Variants in ACCSL observed in about 807,000 individuals in gnomAD.
ACCSL encodes the protein probable inactive 1-aminocyclopropane-1-carboxylate synthase-like protein 2.
ACCSL carries 55 observed loss-of-function variants against 61.7 expected under a neutral mutation model. The ratio of observed to expected loss-of-function variants is 0.89; its 90% CI spans 0.72 to 1.12. The LOEUF (loss-of-function observed/expected upper bound fraction) is 1.12, where lower values mean the gene tolerates loss of function less well. Ranked by LOEUF, ACCSL falls within the 50% of genes most tolerant of loss-of-function variation. ACCSL has a pLI of 0.00. For synonymous variants in ACCSL, 258 were observed against 264.3 expected (o/e 0.98, Z 0.23); for missense variants, 632 against 698.0 (o/e 0.91, Z 1.07).
the ACCSL span, among the ~76,000 whole-genome samples, chr11:43,980,389 G>A: frequency 2.0e-5 from 3 of 152,154 alleles, no homozygotes; most frequent in East Asian, 1.9e-4. Context: ...TGTTTTCATC[G>A]TCAGCTGTCT....
chr11:44,049,146 G>A (rs2015643), intron 1 of ACCSL, among the ~76,000 whole-genome samples: 14,659 of 152,100 alleles, frequency 0.096, 832 homozygotes, highest in Middle Eastern at 0.15. Flanking sequence ...GAGGCTGGGC[G>A]TGGTGGCTCA....
At chr11:43,982,125 G>A in the ACCSL span, among the ~76,000 whole-genome samples, 1 of 152,058 alleles carries the variant, frequency 6.6e-6, no homozygotes, top group Non-Finnish European at 1.5e-5. Flanking sequence ...TGGGAGCTGT[G>A]GAAGGTGGCC....
At position 44,058,608 on chromosome 11, in the gene ACCSL, G is replaced by A. The variant is rs997822215; in HGVS notation, c.1533G>A (p.Lys511=). ...TCTATTGCCGCTTCCTGGACAACAAGCTATTGTTATCCCGTGGCAAAACCT... is the reference window on the plus strand; with the variant it reads ...TCTATTGCCGCTTCCTGGACAACAAACTATTGTTATCCCGTGGCAAAACCT... ...RLLYCRFLDN[K]LLLSRGKTYM... is the part of the protein sequence containing the mutation. The change falls in exon 13 of 14, where the codon AAG becomes AAA. Residue 511 remains lysine, a synonymous_variant. Transcript: ENST00000378832. The A allele has an allele frequency of 1.2e-6, 2 of 1,614,000 alleles. No individual in the cohort carries two copies. Among genetic ancestry groups the A allele is most frequent in the African/African-American group, 1.3e-5 (1 of 74,894 alleles).
At chr11:44,023,458 G>C in the ACCSL span, among the ~76,000 whole-genome samples, 131,341 of 152,126 alleles carry the variant, frequency 0.86, 56,789 homozygotes, top group African/African-American at 0.9. Context: ...TCTGGTATTC[G>C]CTTATGATCC....
At chr11:43,973,194 A>G in the ACCSL span, among the ~76,000 whole-genome samples, 11 of 152,354 alleles carry the variant, frequency 7.2e-5, no homozygotes, top group East Asian at 1.3e-3. Context: ...ATGACTTGGA[A>G]TGAAGCACAT....
At chr11:44,014,909 T>C in the ACCSL span, among the ~76,000 whole-genome samples, 1 of 152,140 alleles carries the variant, frequency 6.6e-6, no homozygotes, top group African/African-American at 2.4e-5. Context: ...ATCACAGACA[T>C]CTCGTGGGCC....
the ACCSL span, among the ~76,000 whole-genome samples, chr11:43,927,093 G>C: frequency 6.6e-6 from 1 of 152,236 alleles, no homozygotes; most frequent in Non-Finnish European, 1.5e-5. Flanking sequence ...ACACATTTAT[G>C]TGCTTTTTAA....
chr11:43,969,526 A>G, the ACCSL span, among the ~76,000 whole-genome samples: 1 of 152,134 alleles, frequency 6.6e-6, no homozygotes, highest in African/African-American at 2.4e-5. Context: ...AAGTTAGTAG[A>G]AACTAACTAC....
chr11:44,019,700 T>C, the ACCSL span, among the ~76,000 whole-genome samples: 1 of 152,246 alleles, frequency 6.6e-6, no homozygotes, highest in African/African-American at 2.4e-5. Flanking sequence ...TTGAAAGTTA[T>C]CTTTTTACTT....
chr11:43,944,240 G>A, the ACCSL span: 3,749 of 173,194 alleles, frequency 0.022, 152 homozygotes, highest in African/African-American at 0.084. Flanking sequence ...CCCCGCACCC[G>A]CCACAGAAGA....
At chr11:44,057,584 A>G (rs1952679124) in intron 11 of ACCSL, among the ~76,000 whole-genome samples, 1 of 152,210 alleles carries the variant, frequency 6.6e-6, no homozygotes, top group African/African-American at 2.4e-5. Context: ...GTTCTGTTCT[A>G]TGAATGCAGA....
At chr11:43,927,159 G>A in the ACCSL span, among the ~76,000 whole-genome samples, 6 of 152,170 alleles carry the variant, frequency 3.9e-5, no homozygotes, top group Admixed American at 2.0e-4. Context: ...TTCTACTTAG[G>A]TACATTGGTG....
the ACCSL span, among the ~76,000 whole-genome samples, chr11:43,992,212 T>G: frequency 1.2e-5 from 1 of 83,356 alleles, no homozygotes; most frequent in Non-Finnish European, 2.3e-5. Flanking sequence ...CCACCATGCC[T>G]GGCTAATTTT....
chr11:44,035,559 C>A, the ACCSL span, among the ~76,000 whole-genome samples: 2 of 152,080 alleles, frequency 1.3e-5, no homozygotes, highest in African/African-American at 2.4e-5. Context: ...CAGAGTAAAG[C>A]ATTAGTTCCT....
chr11:43,969,037 TTAAG>T, the ACCSL span, among the ~76,000 whole-genome samples: 1 of 152,188 alleles, frequency 6.6e-6, no homozygotes, highest in African/African-American at 2.4e-5. Flanking sequence ...TGCCAGATTA[TTAAG>T]TAATTTTTAA....
the ACCSL span, among the ~76,000 whole-genome samples, chr11:44,029,795 C>T: frequency 1.3e-5 from 2 of 151,930 alleles, no homozygotes. Flanking sequence ...GCAGTGTGAT[C>T]TTGGATTGGC....
chr11:43,929,564 G>A, the ACCSL span, among the ~76,000 whole-genome samples: 29 of 152,082 alleles, frequency 1.9e-4, no homozygotes, highest in East Asian at 4.3e-3. Flanking sequence ...CTGCCACCAC[G>A]CCCGGCTCAT....
the ACCSL span, among the ~76,000 whole-genome samples, chr11:44,039,867 A>G: frequency 6.6e-6 from 1 of 152,244 alleles, no homozygotes; most frequent in African/African-American, 2.4e-5. Context: ...CTAGCTGCCC[A>G]GGGCAAGCCT....
the ACCSL span, among the ~76,000 whole-genome samples, chr11:43,989,858 G>A: frequency 6.6e-6 from 1 of 152,254 alleles, no homozygotes; most frequent in African/African-American, 2.4e-5. Context: ...AGCCTCCTCA[G>A]GGTCCTGCAG....
Sources: gnomAD v4.1 joint callset for allele counts (sites outside exome capture counted in the v4.1 genomes callset) on GRCh38, gnomAD v4.1.1 for gene constraint, MANE v1.5 for transcripts, NCBI Gene and HGNC (gene_info 2026-07-23, HGNC 2026-07-21) for gene names.